EVC: variants seen among roughly 807,000 people sequenced by gnomAD.
EVC encodes the protein EvC ciliary complex subunit 1.
A neutral mutation model predicts 118.9 loss-of-function variants in EVC; 116 were observed. The observed-to-expected ratio is 0.98, with a 90% CI of 0.84 to 1.14. The LOEUF is 1.14. Ranked by LOEUF, EVC falls within the 50% of genes most tolerant of loss-of-function variation. The probability of loss-of-function intolerance (pLI) is 0.00; values close to 1 mark genes in which losing one functional copy is unlikely to be tolerated. For synonymous variants in EVC, 619 were observed against 534.7 expected, an observed-to-expected ratio of 1.16 and a Z score of -2.18; for missense variants, 1,401 against 1,246.4, an observed-to-expected ratio of 1.12 and a Z score of -1.87.
the EVC span, chr4:5,821,946 G>A: frequency 1.0e-6 from 1 of 960,306 alleles, no homozygotes; most frequent in South Asian, 1.8e-5. The surrounding 1 kb of genome is among the most constrained non-coding windows in gnomAD (Gnocchi z 4.4). Context: ...CACTCCACTG[G>A]ACCCACCTTC....
intron 17 of EVC, among the ~76,000 whole-genome samples, chr4:5,807,150 A>T (rs1055652853): frequency 1.1e-4 from 16 of 152,296 alleles, no homozygotes; most frequent in African/African-American, 3.6e-4. Context: ...GAGCTCCTTG[A>T]GGACGGGGAC....
chr4:5,741,870 A>T (rs1259316844), intron 6 of EVC, 56 bp downstream of exon 6: 1 of 930,226 alleles, frequency 1.1e-6, no homozygotes, highest in Non-Finnish European at 1.6e-6. Flanking sequence ...TATAATATAT[A>T]CAACTTATGA....
chr4:5,797,852 TGGGGGTATG>T (rs1483626180), intron 14 of EVC, among the ~76,000 whole-genome samples: 5 of 152,128 alleles, frequency 3.3e-5, no homozygotes, highest in Non-Finnish European at 7.3e-5. Context: ...CAGTTGTCAT[TGGGGGTATG>T]GTAGAGAAGG....
intron 16 of EVC, among the ~76,000 whole-genome samples, chr4:5,803,651 A>C (rs1715381713): frequency 6.6e-6 from 1 of 152,230 alleles, no homozygotes; most frequent in African/African-American, 2.4e-5. Flanking sequence ...ATATAGCTTA[A>C]GCCACATCAA....
chr4:5,794,325 T>TTATATA (rs773787950), intron 13 of EVC, among the ~76,000 whole-genome samples: 16 of 135,262 alleles, frequency 1.2e-4, no homozygotes, highest in Non-Finnish European at 1.8e-4. Flanking sequence ...TTATATATAT[T>TTATATA]TATATATATT....
In EVC at chr4:5,720,771, A is replaced by T. The variant is rs1724820822; in HGVS notation, c.300+1398A>T. On this transcript the variant is annotated intron_variant, in intron 2 of 20. Coordinates refer to ENST00000264956, the MANE Select transcript of EVC (RefSeq NM_153717.3). ...CATGGCTTGCAGGAGATGAGTCTGG[A>T]ACAAGCAGATGTTTAACTTTACCGT... Among the ~76,000 whole-genome samples, 4 of 152,206 alleles carry T rather than the reference A, an allele frequency of 2.6e-5. No individual in the cohort carries two copies. The South Asian group carries it at 8.3e-4, about 32-fold the overall frequency.
chr4:5,766,347 C>T (rs6822684), intron 11 of EVC, among the ~76,000 whole-genome samples: 59,388 of 142,748 alleles, frequency 0.42, 12,449 homozygotes, highest in East Asian at 0.49. Flanking sequence ...TTTTTTCCTT[C>T]ATTTCAACTT....
rs1252083007 is a variant in EVC, at chr4:5,796,997, C to T, written c.1887-25C>T. ...TTCGTGAAGCCAAGAGCATTGACCC[C>T]ACCCCTCACCTGCTTTCCTCAAAGG... is the stretch of plus-strand genomic sequence containing the variant. On this transcript the variant is annotated intron_variant, in intron 13 of 20. Transcript: ENST00000264956. 2.6e-6 allele frequency: 4 copies of T among 1,566,826 alleles called. No individual in the cohort carries two copies. The South Asian group carries it at 3.3e-5, about 13-fold the overall frequency.
At chr4:5,712,060 G>C (rs778440205) in intron 1 of EVC, among the ~76,000 whole-genome samples, 2 of 152,204 alleles carry the variant, frequency 1.3e-5, no homozygotes, top group Non-Finnish European at 2.9e-5. Context: ...ACTGGCCTAG[G>C]GACGACATTC....
At chr4:5,824,257 A>G in the EVC span, 2 of 982,422 alleles carry the variant, frequency 2.0e-6, no homozygotes, top group South Asian at 4.7e-5. Context: ...GATGAAGCCA[A>G]TCCCTGGTTT....
chr4:5,798,843 G>A lies in EVC; in HGVS notation c.2304+51G>A, dbSNP rs983015036. 6.4e-7 allele frequency: 1 copy of A among 1,574,374 alleles called. No homozygotes were observed. The highest frequency in any genetic ancestry group is 8.6e-7 in the Non-Finnish European group (1 of 1,157,256). On this transcript the variant is annotated intron_variant, in intron 15 of 20. Transcript: ENST00000264956. This position sits in a 1 kb window ranked among gnomAD's most constrained non-coding sequence, Gnocchi z 4.1. ...GACACCGAGGGCAAGAATGTTCAGG[G>A]TAGGGTCCATGCCTGGGTCTGCTCC...
At chr4:5,733,914 A>G (rs781654127) in intron 5 of EVC, among the ~76,000 whole-genome samples, 42 of 152,172 alleles carry the variant, frequency 2.8e-4, no homozygotes, top group Admixed American at 5.2e-4. Context: ...GGCACAGGGC[A>G]GAGGATTTAC....
chr4:5,773,049 G>A (rs889170604), intron 11 of EVC, among the ~76,000 whole-genome samples: 5 of 152,184 alleles, frequency 3.3e-5, no homozygotes, highest in South Asian at 2.1e-4. Context: ...GAACTCCCTC[G>A]GGTCTGGGTC....
At chr4:5,760,078 C>A (rs541530603) in intron 11 of EVC, among the ~76,000 whole-genome samples, 1,569 of 152,172 alleles carry the variant, frequency 0.01, 40 homozygotes, top group African/African-American at 0.035. Context: ...CCAAAGGAGG[C>A]AATCAGATCT....
At chr4:5,733,199 C>T in intron 4 of EVC, 152 bp from the exon 5 acceptor site, 3 of 728,472 alleles carry the variant, frequency 4.1e-6, no homozygotes, top group Non-Finnish European at 7.5e-6. Flanking sequence ...TTCTTATAAA[C>T]CTGGAGTGAG....
intron 11 of EVC, among the ~76,000 whole-genome samples, chr4:5,766,047 G>T (rs1375082967): frequency 7.4e-6 from 1 of 134,504 alleles, no homozygotes; most frequent in African/African-American, 2.8e-5. Context: ...TGTACCGGTT[G>T]TTCCTTTCCA....
downstream of EVC, among the ~76,000 whole-genome samples, chr4:5,818,389 AAC>A: frequency 6.6e-6 from 1 of 152,330 alleles, no homozygotes; most frequent in East Asian, 1.9e-4. Flanking sequence ...CATCAGAGCC[AAC>A]AGTTAAGTGG....
At position 5,755,302 on chromosome 4, in the gene EVC, C is replaced by T. The variant is rs1318546952; in HGVS notation, c.1465-962C>T. Among the ~76,000 whole-genome samples the T allele has an allele frequency of 1.3e-5, 2 of 152,256 alleles. No individual in the cohort carries two copies. Among genetic ancestry groups the T allele is most frequent in the African/African-American group, 2.4e-5 (1 of 41,544 alleles). The stretch of plus-strand genomic sequence containing the variant: ...GGGTGACCTTGGTGTCCCAGGGCCT[C>T]GGTACAGTCCTCGGAACGCCTCAGC... On this transcript the variant is annotated intron_variant, in intron 10 of 20. Transcript: ENST00000264956. This position sits in a 1 kb window ranked among gnomAD's most constrained non-coding sequence, Gnocchi z 4.1.
At chr4:5,767,009 G>GT (rs1180750459) in intron 11 of EVC, among the ~76,000 whole-genome samples, 7 of 150,590 alleles carry the variant, frequency 4.6e-5, no homozygotes, top group Admixed American at 1.3e-4. Flanking sequence ...TTTCTGCTCT[G>GT]TTTTTTCCCC....
Sources: gnomAD v4.1 joint callset for allele counts (sites outside exome capture counted in the v4.1 genomes callset) on GRCh38, gnomAD v4.1.1 for gene constraint, Gnocchi (gnomAD v3.1) non-coding constraint, MANE v1.5 for transcripts, NCBI Gene and HGNC (gene_info 2026-07-23, HGNC 2026-07-21) for gene names.